Variants in HNF1A observed in about 807,000 individuals in gnomAD.
HNF1A encodes hepatocyte nuclear factor 1-alpha.
In HNF1A, 21 loss-of-function variants were observed where a neutral mutation model predicts 62.2. That is an observed-to-expected ratio of 0.34 (90% confidence interval 0.24 to 0.49). The LOEUF (loss-of-function observed/expected upper bound fraction) is 0.49, where lower values mean the gene tolerates loss of function less well. Among genes scored for constraint, HNF1A ranks in the 20% least tolerant of loss-of-function variants. The pLI is 0.99. For synonymous variants in HNF1A, 374 were observed against 366.8 expected, an observed-to-expected ratio of 1.02 and a Z score of -0.22; for missense variants, 687 against 832.3, an observed-to-expected ratio of 0.83 and a Z score of 2.15.
chr12:120,997,951 C>T (rs1877203614), intron 7 of HNF1A: 2 of 623,340 alleles, frequency 3.2e-6, no homozygotes, highest in African/African-American at 1.8e-5. Context: ...ACTCTTAGGG[C>T]CATATGAATT....
chr12:120,987,772 A>C (rs1258183627), intron 1 of HNF1A, among the ~76,000 whole-genome samples: 1 of 100,152 alleles, frequency 1.0e-5, no homozygotes, highest in African/African-American at 5.7e-5. Flanking sequence ...TGATCTATCT[A>C]TCTATCTATC....
chr12:120,981,712 G>A (rs865775593), intron 1 of HNF1A, among the ~76,000 whole-genome samples: 9 of 152,224 alleles, frequency 5.9e-5, no homozygotes, highest in South Asian at 2.1e-4. Context: ...CCCCACCCCC[G>A]TCACTCTCTT....
At chr12:120,994,485 A>G (rs1193616655) in intron 4 of HNF1A, 80 bp downstream of exon 4, 2 of 1,495,782 alleles carry the variant, frequency 1.3e-6, no homozygotes, top group African/African-American at 1.4e-5. Flanking sequence ...GCAGTCACCT[A>G]AACCTCTTTG....
At position 120,999,624 on chromosome 12, in the gene HNF1A, A is replaced by T; in HGVS notation, c.1765A>T (p.Thr589Ser). 6.2e-7 allele frequency: 1 copy of T among 1,609,542 alleles called. No individual in the cohort carries two copies. The highest frequency in any genetic ancestry group is 1.1e-5 in the South Asian group (1 of 90,926). The change falls in exon 9 of 10, where the codon ACA (threonine) becomes TCA (serine). Residue 589 changes from threonine (T) to serine (S), a missense_variant. Thr to Ser is a moderately conservative substitution (Grantham distance 58, BLOSUM62 1). Transcript: ENST00000257555. ...QPAHRLSASP[T>S]VSSSSLVLYQ... ...GGCCCACCGGCTCAGCGCCAGCCCC[A>T]CAGGTGAGAGGCCCTGGCTCCACCC...
chr12:121,001,115 C>T lies in HNF1A; in HGVS notation c.1819C>T (p.Gln607Ter), dbSNP rs1877444491. Residue 607 changes from glutamine (Q) to a stop codon, truncating the protein, a stop_gained, in exon 10 of 10, where the codon CAG (glutamine) becomes TAG (stop). Coordinates refer to ENST00000257555, the MANE Select transcript of HNF1A (RefSeq NM_000545.8). LOFTEE classifies it high-confidence loss of function. ...CCAGAGCTCAGACTCCAGCAATGGC[C>T]AGAGCCACCTGCTGCCATCCAACCA... ...LYQSSDSSNG[Q>*]SHLLPSNHSV... The T allele has an allele frequency of 3.1e-6, 5 of 1,614,040 alleles. No homozygotes were observed. Among genetic ancestry groups the T allele is most frequent in the Non-Finnish European group, 4.2e-6 (5 of 1,179,966 alleles).
chr12:120,978,952 A>G lies in HNF1A; in HGVS notation c.184A>G (p.Asn62Asp), dbSNP rs1876098090. The change falls in exon 1 of 10, where the codon AAT (asparagine) becomes GAT (aspartate). Residue 62 changes from asparagine (N) to aspartate (D), a missense_variant. By Grantham distance (23) the Asn-to-Asp change is conservative (BLOSUM62 1). Around this residue, in one of 5 missense-constraint regions of HNF1A, gnomAD observed 159 missense variants for 154.4 expected, o/e 1.03. Coordinates refer to ENST00000257555, the MANE Select transcript of HNF1A (RefSeq NM_000545.8). ...TCGAGGGGAGCTGGCTGAGCTGCCC[A>G]ATGGGCTGGGGGAGACTCGGGGCTC... Reference protein sequence around the residue: ...GGRGELAELPNGLGETRGSED... With the variant: ...GGRGELAELPDGLGETRGSED... 1.2e-6 allele frequency: 2 copies of G among 1,609,250 alleles called. No homozygotes were observed. The highest frequency in any genetic ancestry group is 1.1e-5 in the South Asian group (1 of 90,526).
intron 1 of HNF1A, among the ~76,000 whole-genome samples, chr12:120,987,488 A>G (rs903371609): frequency 3.3e-5 from 5 of 151,076 alleles, no homozygotes; most frequent in African/African-American, 1.2e-4. Context: ...AAAAAAAAAA[A>G]AAAAGAAAAA....
intron 1 of HNF1A, 47 bp downstream of exon 1, chr12:120,979,141 C>T (rs1876121459): frequency 6.6e-7 from 1 of 1,519,198 alleles, no homozygotes; most frequent in East Asian, 2.4e-5. Flanking sequence ...CCTAGAGGGG[C>T]CCCCCTCAGC....
At chr12:120,981,829 G>T (rs186725396) in intron 1 of HNF1A, among the ~76,000 whole-genome samples, 3 of 152,310 alleles carry the variant, frequency 2.0e-5, no homozygotes, top group Admixed American at 2.0e-4. Context: ...CAAGGACAAG[G>T]CCCGTGTTGC....
chr12:120,999,308 C>T lies in HNF1A; in HGVS notation c.1542C>T (p.His514=). ...AGCCCGAGGTGGCCCAGTACACCCA[C>T]ACGGGCCTGCTCCCGCAGACTATGC... is the stretch of plus-strand genomic sequence containing the variant. ...SHKPEVAQYT[H]TGLLPQTMLI... is the part of the protein sequence containing the mutation. The change falls in exon 8 of 10, where the codon CAC becomes CAT. Residue 514 remains histidine (H), a synonymous_variant. Transcript: ENST00000257555. The T allele has an allele frequency of 6.2e-7, 1 of 1,614,068 alleles. No homozygotes were observed.
intron 2 of HNF1A, among the ~76,000 whole-genome samples, chr12:120,993,135 T>G (rs1353886028): frequency 6.6e-6 from 1 of 152,232 alleles, no homozygotes; most frequent in Non-Finnish European, 1.5e-5. Flanking sequence ...TTTGCTCTAC[T>G]GCGTGACTCT....
At chr12:120,998,515 C>A (rs1427858226) in intron 7 of HNF1A, among the ~76,000 whole-genome samples, 1 of 152,088 alleles carries the variant, frequency 6.6e-6, no homozygotes, top group East Asian at 1.9e-4. Flanking sequence ...GGTTTCAGAC[C>A]TTTTTGGAAT....
rs2135845768 is a variant in HNF1A at position 120,996,541 on chromosome 12, G to T, written c.1108G>T (p.Val370Phe). ...HSLLSTEAKL[V>F]SAAGGPLPPV... is the part of the protein sequence containing the mutation. ...GACACAGCTTGGCTTCCCCTCGTAGGTCTCAGCAGCTGGGGGCCCCCTCCC... is the reference window on the plus strand; with the variant it reads ...GACACAGCTTGGCTTCCCCTCGTAGTTCTCAGCAGCTGGGGGCCCCCTCCC... Residue 370 changes from valine (V) to phenylalanine (F), a missense_variant and splice_region_variant, in exon 6 of 10, where the codon GTC (valine) becomes TTC (phenylalanine). By Grantham distance (50) the Val-to-Phe change is conservative. Around this residue, in one of 5 missense-constraint regions of HNF1A, gnomAD observed 408 missense variants for 455.3 expected, o/e 0.90. Coordinates refer to ENST00000257555, the MANE Select transcript of HNF1A (RefSeq NM_000545.8). The surrounding 1 kb of genome is among the most constrained non-coding windows in gnomAD (Gnocchi z 4.5). The T allele has an allele frequency of 6.2e-7, 1 of 1,613,576 alleles. No individual in the cohort carries two copies.
At chr12:120,988,811 T>A (rs746612233) in intron 1 of HNF1A, 22 bp from the exon 2 acceptor site, 4 of 1,612,850 alleles carry the variant, frequency 2.5e-6, no homozygotes, top group Non-Finnish European at 3.4e-6. Flanking sequence ...GCTGAGCAGA[T>A]CCCGTCCTTG....
chr12:120,989,659 CACA>C (rs974311103), intron 2 of HNF1A, among the ~76,000 whole-genome samples: 3 of 152,106 alleles, frequency 2.0e-5, no homozygotes, highest in Admixed American at 6.5e-5. Flanking sequence ...CAACAGCAGC[CACA>C]ACAACAACAA....
intron 1 of HNF1A, among the ~76,000 whole-genome samples, chr12:120,983,519 G>C (rs1215759042): frequency 6.6e-6 from 1 of 151,676 alleles, no homozygotes; most frequent in African/African-American, 2.4e-5. Context: ...CTGGAGACTT[G>C]TCCTCTTAGT....
intron 1 of HNF1A, among the ~76,000 whole-genome samples, chr12:120,984,782 A>AACT (rs1415314386): frequency 1.3e-5 from 2 of 151,856 alleles, no homozygotes; most frequent in African/African-American, 4.8e-5. Flanking sequence ...TTTGAGTCCC[A>AACT]ACTAGATCAC....
At chr12:120,998,280 C>CA (rs36059178) in intron 7 of HNF1A, 19,070 of 140,206 alleles carry the variant, frequency 0.14, 1,358 homozygotes, top group East Asian at 0.25. Flanking sequence ...AGTACTCTGC[C>CA]AAAAAAAAAA....
chr12:120,999,189 C>A (rs139487741), intron 7 of HNF1A, 79 bp from the exon 8 acceptor site: 8 of 1,568,478 alleles, frequency 5.1e-6, no homozygotes, highest in African/African-American at 2.7e-5. Flanking sequence ...CCCATGCCCC[C>A]CTTTCCCCAG....
Sources: allele counts gnomAD v4.1 joint callset (sites outside exome capture counted in the v4.1 genomes callset), GRCh38; gene constraint gnomAD v4.1.1; regional missense constraint gnomAD v4.1.1; non-coding constraint Gnocchi (gnomAD v3.1); transcripts MANE v1.5; gene names NCBI Gene and HGNC (gene_info 2026-07-23, HGNC 2026-07-21).